TBC1D14: variants seen among roughly 807,000 people sequenced by gnomAD.
TBC1D14 encodes TBC1 domain family, member 14.
A neutral mutation model predicts 79.0 loss-of-function variants in TBC1D14; 26 were observed. The observed-to-expected ratio is 0.33, with a 90% CI of 0.24 to 0.46. The LOEUF (loss-of-function observed/expected upper bound fraction) is 0.46. Ranked by LOEUF, TBC1D14 falls within the 20% of genes least tolerant of loss-of-function variation. The pLI is 1.00. For synonymous variants in TBC1D14, 394 were observed against 349.9 expected, an observed-to-expected ratio of 1.13 and a Z score of -1.40; for missense variants, 769 against 887.6, an observed-to-expected ratio of 0.87 and a Z score of 1.70.
chr4:7,015,630 G>A (rs147998642), intron 12 of TBC1D14, among the ~76,000 whole-genome samples: 2 of 152,260 alleles, frequency 1.3e-5, no homozygotes, highest in African/African-American at 2.4e-5. Flanking sequence ...ATGTTTGAGG[G>A]CCAGGTAAGA....
chr4:7,004,953 G>T (rs1169166470), intron 8 of TBC1D14, 29 bp downstream of exon 8: 1 of 1,589,848 alleles, frequency 6.3e-7, no homozygotes, highest in African/African-American at 1.3e-5. Context: ...CCAGCGGACT[G>T]CTGTGGTCAA....
intron 3 of TBC1D14, among the ~76,000 whole-genome samples, chr4:6,974,906 TTTTTG>T (rs540188879): frequency 3.0e-4 from 46 of 152,192 alleles, no homozygotes; most frequent in East Asian, 1.3e-3. Context: ...TGTTTGTTTG[TTTTTG>T]TTTTGTTTTG....
intron 2 of TBC1D14, among the ~76,000 whole-genome samples, chr4:6,962,898 C>G (rs1048808562): frequency 6.6e-6 from 1 of 151,952 alleles, no homozygotes; most frequent in African/African-American, 2.4e-5. Flanking sequence ...CTCCCCTGCA[C>G]ACACACACAC....
intron 2 of TBC1D14, among the ~76,000 whole-genome samples, chr4:6,966,217 G>A (rs1715686882): frequency 6.6e-6 from 1 of 152,338 alleles, no homozygotes; most frequent in Admixed American, 6.5e-5. Context: ...ACACGTCCCA[G>A]TATTTCTTTG....
rs745938969 is a variant in TBC1D14 at position 7,030,441 on chromosome 4, G to A, written c.*49G>A. 2.1e-5 allele frequency: 34 copies of A among 1,598,256 alleles called. 1 individual carries two copies. The highest frequency in any genetic ancestry group is 2.1e-4 in the South Asian group (19 of 90,732). Reference sequence around the variant, plus strand: ...GGCACCAATCAGAGCCCCATGCCGCGGCCCCTCTGTTGTTTCAGACTGACA... The same window carrying A: ...GGCACCAATCAGAGCCCCATGCCGCAGCCCCTCTGTTGTTTCAGACTGACA... On this transcript the variant is annotated 3_prime_UTR_variant, in exon 14 of 14. Coordinates refer to ENST00000409757, the MANE Select transcript of TBC1D14 (RefSeq NM_020773.3).
chr4:7,005,560 G>A (rs569326449), intron 8 of TBC1D14, among the ~76,000 whole-genome samples: 3 of 151,978 alleles, frequency 2.0e-5, no homozygotes, highest in African/African-American at 4.8e-5. Context: ...TTAGCTAGGC[G>A]TGGTGATGTG....
At chr4:6,996,670 G>T (rs1361685553) in intron 5 of TBC1D14, among the ~76,000 whole-genome samples, 1 of 152,240 alleles carries the variant, frequency 6.6e-6, no homozygotes, top group Admixed American at 6.5e-5. Context: ...CGCAGGGTTT[G>T]CTGGGAGCCT....
chr4:6,948,755 A>G (rs1372902487), intron 2 of TBC1D14, among the ~76,000 whole-genome samples: 3 of 147,432 alleles, frequency 2.0e-5, no homozygotes, highest in South Asian at 2.1e-4. Flanking sequence ...GCTGGAGTGC[A>G]GTAGTGAGAT....
At chr4:6,921,958 G>A (rs1392381947) in intron 1 of TBC1D14, among the ~76,000 whole-genome samples, 2 of 152,172 alleles carry the variant, frequency 1.3e-5, no homozygotes, top group Non-Finnish European at 2.9e-5. Context: ...GCCTCTCAAA[G>A]TGTTGGGATT....
intron 1 of TBC1D14, chr4:6,910,641 C>T (rs910036757): frequency 2.0e-5 from 3 of 152,270 alleles, no homozygotes; most frequent in Admixed American, 2.0e-4. Flanking sequence ...CGCCAGGAGT[C>T]TCTCTAGGCT....
At position 6,924,126 on chromosome 4, in the gene TBC1D14, G is replaced by T. The variant is rs549756201; in HGVS notation, c.722+15G>T. 21 of 1,603,400 alleles carry T rather than the reference G, an allele frequency of 1.3e-5. No individual in the cohort carries two copies. The highest frequency in any genetic ancestry group is 1.7e-5 in the Non-Finnish European group (20 of 1,174,682). On this transcript the variant is annotated intron_variant, in intron 2 of 13. Transcript: ENST00000409757. ...TTCTTTGCAAGGTAATGCCATCTTT[G>T]CCCTCTAGAAGATCGTGGTGGTTGA...
intron 11 of TBC1D14, among the ~76,000 whole-genome samples, chr4:7,013,567 A>G (rs961980719): frequency 6.6e-6 from 1 of 152,210 alleles, no homozygotes; most frequent in African/African-American, 2.4e-5. Context: ...AGCAAGTTCC[A>G]TAAACTACGG....
At chr4:6,967,776 T>A (rs901113913) in intron 3 of TBC1D14, among the ~76,000 whole-genome samples, 1 of 152,234 alleles carries the variant, frequency 6.6e-6, no homozygotes, top group South Asian at 2.1e-4. Context: ...ATAGTAAAGC[T>A]TTCTCCCGTG....
intron 12 of TBC1D14, among the ~76,000 whole-genome samples, chr4:7,020,314 T>C (rs1259676927): frequency 6.6e-6 from 1 of 152,256 alleles, no homozygotes; most frequent in Admixed American, 6.5e-5. Context: ...TCTCCAACTT[T>C]TAACAAATGG....
chr4:6,918,147 A>C (rs919127774), intron 1 of TBC1D14, among the ~76,000 whole-genome samples: 1 of 152,184 alleles, frequency 6.6e-6, no homozygotes, highest in Non-Finnish European at 1.5e-5. Flanking sequence ...TCTCTACTTA[A>C]AGCCAGATGG....
At chr4:7,026,888 C>G (rs1040500609) in intron 13 of TBC1D14, among the ~76,000 whole-genome samples, 2 of 151,942 alleles carry the variant, frequency 1.3e-5, no homozygotes, top group South Asian at 2.1e-4. Flanking sequence ...CAGAGGAAGA[C>G]CCTGTCTTAA....
intron 3 of TBC1D14, among the ~76,000 whole-genome samples, chr4:6,993,283 G>T (rs1577136517): frequency 6.6e-6 from 1 of 151,908 alleles, no homozygotes; most frequent in Non-Finnish European, 1.5e-5. Flanking sequence ...TGTGTTTTTT[G>T]ATTTTGCACA....
At chr4:6,945,599 T>C (rs1256485539) in intron 2 of TBC1D14, among the ~76,000 whole-genome samples, 1 of 151,502 alleles carries the variant, frequency 6.6e-6, no homozygotes, top group African/African-American at 2.4e-5. Flanking sequence ...AAATGCAAAA[T>C]TAGCCGAGCG....
intron 2 of TBC1D14, among the ~76,000 whole-genome samples, chr4:6,937,197 G>A (rs112328167): frequency 1.9e-4 from 29 of 152,260 alleles, no homozygotes; most frequent in Non-Finnish European, 2.6e-4. Flanking sequence ...GATTACAGGC[G>A]TGAGCCACCA....
Sources: gnomAD v4.1 joint callset for allele counts (sites outside exome capture counted in the v4.1 genomes callset) on GRCh38, gnomAD v4.1.1 for gene constraint, MANE v1.5 for transcripts, NCBI Gene and HGNC (gene_info 2026-07-23, HGNC 2026-07-21) for gene names.